The following C14orf39 variants were observed in gnomAD, a reference collection of about 807,000 sequenced individuals.
C14orf39 encodes the protein chromosome 14 open reading frame 39.
A neutral mutation model predicts 85.6 loss-of-function variants in C14orf39; 66 were observed. The observed-to-expected ratio is 0.77, with a 90% CI of 0.63 to 0.95. The LOEUF (loss-of-function observed/expected upper bound fraction) is 0.95. Ranked by LOEUF, C14orf39 falls within the 40% of genes least tolerant of loss-of-function variation. The pLI, the probability that C14orf39 is intolerant of heterozygous loss-of-function variation, is 0.00. For missense variants in C14orf39, 735 were observed against 663.9 expected, an observed-to-expected ratio of 1.11 and a Z score of -1.18; for synonymous variants, 242 against 214.0, an observed-to-expected ratio of 1.13 and a Z score of -1.14.
chr14:60,461,335 AAATAT>A lies in C14orf39; in HGVS notation c.1117+14_1117+18del. 6.2e-7 allele frequency: 1 copy of A among 1,603,816 alleles called. No individual in the cohort carries two copies. Among genetic ancestry groups the A allele is most frequent in the Non-Finnish European group, 8.5e-7 (1 of 1,173,368 alleles). On this transcript the variant is annotated intron_variant, in intron 13 of 17. Transcript: ENST00000321731. Reference sequence around the variant, plus strand: ...TTGTTACCCCGACTTCTTAGAAGAAAAATATAAACGGCAAATACCTTTATCCCCTT... The same window carrying A: ...TTGTTACCCCGACTTCTTAGAAGAAAAAACGGCAAATACCTTTATCCCCTT...
At chr14:60,441,523 C>G (rs1421439811) in intron 17 of C14orf39, among the ~76,000 whole-genome samples, 1 of 152,128 alleles carries the variant, frequency 6.6e-6, no homozygotes, top group Non-Finnish European at 1.5e-5. Flanking sequence ...GTTTAGTGTA[C>G]TATCTGATAA....
chr14:60,438,953 C>T (rs1336560505), intron 17 of C14orf39, among the ~76,000 whole-genome samples: 1 of 152,076 alleles, frequency 6.6e-6, no homozygotes, highest in African/African-American at 2.4e-5. Flanking sequence ...TACAGTTAGA[C>T]AGAAGGAATA....
intron 17 of C14orf39, among the ~76,000 whole-genome samples, chr14:60,440,886 T>C (rs1347450942): frequency 1.3e-5 from 2 of 152,140 alleles, no homozygotes; most frequent in Admixed American, 1.3e-4. Flanking sequence ...CTTTTCCCAG[T>C]AGCTTGTATA....
intron 17 of C14orf39, among the ~76,000 whole-genome samples, chr14:60,438,094 T>C (rs925123086): frequency 6.6e-6 from 1 of 151,952 alleles, no homozygotes; most frequent in Non-Finnish European, 1.5e-5. Flanking sequence ...ATTAATCAAA[T>C]AGCATATTAA....
upstream of C14orf39, among the ~76,000 whole-genome samples, chr14:60,490,490 G>A (rs1332095908): frequency 1.3e-5 from 2 of 148,668 alleles, no homozygotes; most frequent in African/African-American, 4.9e-5. Context: ...TAAATAAATA[G>A]GTGCACACCT....
Position 60,471,555 on chromosome 14 carries a change from G to A in C14orf39, c.508C>T (p.Arg170Ter), listed in dbSNP as rs754275662. ...AATATAACAAAAATATTAATACCTCGAAATTTCATAAAAATTGTTTCATTC... is the reference window on the plus strand; with the variant it reads ...AATATAACAAAAATATTAATACCTCAAAATTTCATAAAAATTGTTTCATTC... ...KMNETIFMKF[R>*]VPAPFPSLTK... The change falls in exon 6 of 18, where the codon CGA becomes TGA. Residue 170 changes from arginine (R) to a stop codon, truncating the protein, a stop_gained. Transcript: ENST00000321731. LOFTEE classifies it high-confidence loss of function. 3.8e-5 allele frequency: 60 copies of A among 1,589,762 alleles called. No individual in the cohort carries two copies. Among genetic ancestry groups the A allele is most frequent in the Non-Finnish European group, 4.1e-5 (48 of 1,171,208 alleles).
intron 16 of C14orf39, among the ~76,000 whole-genome samples, chr14:60,450,669 C>A (rs1890989406): frequency 6.6e-6 from 1 of 152,158 alleles, no homozygotes; most frequent in African/African-American, 2.4e-5. Context: ...TCAGTGAACA[C>A]AGCGGGTAGC....
chr14:60,509,107 G>C (rs1893248591), intron 1 of C14orf39: 1 of 482,132 alleles, frequency 2.1e-6, no homozygotes, highest in Non-Finnish European at 3.7e-6. Flanking sequence ...GACTGACAGG[G>C]GGTCTCCATG....
chr14:60,473,267 T>A (rs549707762), intron 5 of C14orf39, among the ~76,000 whole-genome samples: 1 of 152,204 alleles, frequency 6.6e-6, no homozygotes, highest in Non-Finnish European at 1.5e-5. Context: ...TTTTTTCTTA[T>A]AAATTTGTTT....
chr14:60,504,479 T>C (rs944039383), intron 1 of C14orf39, among the ~76,000 whole-genome samples: 4 of 152,256 alleles, frequency 2.6e-5, no homozygotes, highest in African/African-American at 4.8e-5. Flanking sequence ...GATATTTCGA[T>C]CTTAGATTTG....
chr14:60,465,255 G>T (rs1182225175), intron 11 of C14orf39, among the ~76,000 whole-genome samples: 1 of 151,868 alleles, frequency 6.6e-6, no homozygotes, highest in Non-Finnish European at 1.5e-5. Flanking sequence ...AATTACTTTG[G>T]TCACCACTAC....
Position 60,458,620 on chromosome 14 carries a change from CATA to C in C14orf39, c.1179+55_1179+57del, listed in dbSNP as rs1334241966. The stretch of plus-strand genomic sequence containing the variant: ...GTACTAAATCTGAAATTTAAATAGA[CATA>C]ATATTTTAAATTGGAATTTTTGCTT... On this transcript the variant is annotated intron_variant, in intron 14 of 17. Transcript: ENST00000321731. 6.7e-6 allele frequency: 8 copies of C among 1,200,422 alleles called. No homozygotes were observed. The African/African-American group carries it at 7.6e-5, about 11-fold the overall frequency. 74.4% of individuals were successfully genotyped at this position (1,200,422 alleles called of 1,614,324 possible). A position where few individuals can be genotyped will look rare whatever the true frequency, so the allele number is the denominator to read the frequency against.
Position 60,442,106 on chromosome 14 carries a change from T to C in C14orf39, c.1529A>G (p.Asn510Ser), listed in dbSNP as rs768831073. ...DQFNEHYSAR[N>S]LNPLSSEQEI... ...TTGCTCTGATGACAGAGGATTTAGA[T>C]TTCTTGCAGAATAATGTTCATTAAA... is the stretch of plus-strand genomic sequence containing the variant. The change falls in exon 17 of 18, where the codon AAT (asparagine) becomes AGT (serine). Residue 510 changes from asparagine (N) to serine (S), a missense_variant. Transcript: ENST00000321731. 6.2e-7 allele frequency: 1 copy of C among 1,610,236 alleles called. No individual in the cohort carries two copies. Among genetic ancestry groups the C allele is most frequent in the Admixed American group, 1.7e-5 (1 of 59,894 alleles).
At chr14:60,486,709 C>T (rs1892901434), upstream of C14orf39, among the ~76,000 whole-genome samples, 1 of 152,100 alleles carries the variant, frequency 6.6e-6, no homozygotes, top group African/African-American at 2.4e-5. Flanking sequence ...TGTTTTTAAC[C>T]GTAAATGATC....
chr14:60,457,955 A>G (rs536251977), intron 14 of C14orf39, among the ~76,000 whole-genome samples: 14 of 152,100 alleles, frequency 9.2e-5, no homozygotes, highest in African/African-American at 3.4e-4. Context: ...CTTACTGATG[A>G]TAACTTTTTG....
rs1433882052 is a variant in C14orf39, at chr14:60,458,623, A to T, written c.1179+55T>A. 4.0e-6 allele frequency: 5 copies of T among 1,244,950 alleles called. No individual in the cohort carries two copies. In the Admixed American group the frequency reaches 5.4e-5, roughly 13 times the overall value. 77.1% of individuals were successfully genotyped at this position (1,244,950 alleles called of 1,614,324 possible). The stretch of plus-strand genomic sequence containing the variant: ...CTAAATCTGAAATTTAAATAGACAT[A>T]ATATTTTAAATTGGAATTTTTGCTT... On this transcript the variant is annotated intron_variant, in intron 14 of 17. Coordinates refer to ENST00000321731, the MANE Select transcript of C14orf39 (RefSeq NM_174978.3).
intron 10 of C14orf39, 29 bp from the exon 11 acceptor site, chr14:60,466,084 TC>T: frequency 2.7e-6 from 3 of 1,128,914 alleles, no homozygotes; most frequent in Non-Finnish European, 3.7e-6. Context: ...CTACTTTAAA[TC>T]AATGCTGGAA....
At chr14:60,439,630 G>T (rs559167390) in intron 17 of C14orf39, among the ~76,000 whole-genome samples, 1 of 152,252 alleles carries the variant, frequency 6.6e-6, no homozygotes, top group East Asian at 1.9e-4. Flanking sequence ...AATGTCAAAA[G>T]ATGTCTAAAG....
chr14:60,485,009 A>AT (rs777869816), intron 2 of C14orf39, 21 bp downstream of exon 2: 9 of 1,592,736 alleles, frequency 5.7e-6, no homozygotes, highest in South Asian at 2.3e-5. Context: ...AAAGCTACCT[A>AT]TTTTTTCACT....
Sources: gnomAD v4.1 joint callset for allele counts (sites outside exome capture counted in the v4.1 genomes callset) on GRCh38, gnomAD v4.1.1 for gene constraint, MANE v1.5 for transcripts, NCBI Gene and HGNC (gene_info 2026-07-23, HGNC 2026-07-21) for gene names.